AKAP6: variants seen among roughly 807,000 people sequenced by gnomAD.
AKAP6 encodes the protein A-kinase anchoring protein 6, also known as A-kinase anchor protein 6.
In AKAP6, 58 loss-of-function variants were observed where a neutral mutation model predicts 188.5. The ratio of observed to expected loss-of-function variants is 0.31; its 90% confidence interval spans 0.25 to 0.38. AKAP6 has a LOEUF of 0.38. Ranked by LOEUF, AKAP6 falls within the 10% of genes least tolerant of loss-of-function variation. AKAP6 has a pLI of 1.00. For missense variants in AKAP6, 2,710 were observed against 2,740.0 expected (o/e 0.99, Z 0.24); for synonymous variants, 989 against 998.6 (o/e 0.99, Z 0.18).
chr14:32,654,855 A>T (rs199655313), intron 7 of AKAP6, among the ~76,000 whole-genome samples: 5 of 19,156 alleles, frequency 2.6e-4, no homozygotes, highest in East Asian at 0.038. Context: ...TCTCAGGAAT[A>T]AAAAAAAAAA....
intron 2 of AKAP6, among the ~76,000 whole-genome samples, chr14:32,463,900 G>A (rs1231466926): frequency 6.6e-6 from 1 of 152,114 alleles, no homozygotes; most frequent in Admixed American, 6.6e-5. Flanking sequence ...AATAAAAAAT[G>A]ATAAAGGGGA....
In AKAP6 at chr14:32,507,588, C is replaced by T. The variant is rs75229824; in HGVS notation, c.325-27966C>T. On this transcript the variant is annotated intron_variant, in intron 2 of 13. Coordinates refer to ENST00000280979, the MANE Select transcript of AKAP6 (RefSeq NM_004274.5). ...CCATCCTTTTTTTCCTTCCTACACA[C>T]GCAGCAAGGTATTTCACTCAGCTGT... Among the ~76,000 whole-genome samples, 1,433 of 151,510 alleles carry T rather than the reference C, an allele frequency of 9.5e-3. 16 individuals carry two copies. The highest frequency in any genetic ancestry group is 0.033 in the African/African-American group (1,362 of 41,282).
intron 1 of AKAP6, among the ~76,000 whole-genome samples, chr14:32,411,308 A>G (rs2138648378): frequency 6.6e-6 from 1 of 152,310 alleles, no homozygotes; most frequent in South Asian, 2.1e-4. Flanking sequence ...ACATCCTTCC[A>G]CCAATATCTT....
At chr14:32,431,367 G>T (rs187867965) in intron 1 of AKAP6, among the ~76,000 whole-genome samples, 1 of 152,296 alleles carries the variant, frequency 6.6e-6, no homozygotes, top group Non-Finnish European at 1.5e-5. Context: ...TCTGCCTTTT[G>T]CATTCAGGTG....
intron 7 of AKAP6, among the ~76,000 whole-genome samples, chr14:32,637,722 G>A (rs1429057391): frequency 2.0e-5 from 3 of 152,010 alleles, no homozygotes; most frequent in Non-Finnish European, 2.9e-5. Context: ...AATGAGATGA[G>A]GGTGGAGAGT....
chr14:32,769,603 T>C (rs539308225), intron 11 of AKAP6, among the ~76,000 whole-genome samples: 2 of 151,948 alleles, frequency 1.3e-5, no homozygotes, highest in African/African-American at 4.8e-5. Flanking sequence ...ACCACTTTGT[T>C]CATATTGGCC....
chr14:32,502,196 C>T (rs951577142), intron 2 of AKAP6, among the ~76,000 whole-genome samples: 4 of 152,076 alleles, frequency 2.6e-5, no homozygotes. Context: ...CAGAAGTGCT[C>T]TTAATGGTGA....
chr14:32,459,805 C>A (rs1454449591), intron 2 of AKAP6, among the ~76,000 whole-genome samples: 9 of 150,848 alleles, frequency 6.0e-5, no homozygotes, highest in African/African-American at 1.9e-4. Flanking sequence ...AAAATGGGAG[C>A]TAAGGGTTTA....
chr14:32,406,419 A>G (rs1889296960), intron 1 of AKAP6, among the ~76,000 whole-genome samples: 1 of 152,140 alleles, frequency 6.6e-6, no homozygotes, highest in Admixed American at 6.5e-5. Flanking sequence ...TATGTTGGCC[A>G]GGCTGGTCTT....
intron 7 of AKAP6, among the ~76,000 whole-genome samples, chr14:32,645,258 A>G (rs758283991): frequency 6.6e-6 from 1 of 152,196 alleles, no homozygotes; most frequent in African/African-American, 2.4e-5. Flanking sequence ...GAAGGAATAC[A>G]CTTAAAAGAG....
intron 7 of AKAP6, among the ~76,000 whole-genome samples, chr14:32,630,403 A>C (rs1290151953): frequency 6.6e-6 from 1 of 152,140 alleles, no homozygotes; most frequent in Non-Finnish European, 1.5e-5. Context: ...AAAAAAAGGC[A>C]ATATAATGCA....
intron 7 of AKAP6, among the ~76,000 whole-genome samples, chr14:32,610,987 A>T (rs1056405490): frequency 1.3e-5 from 2 of 152,210 alleles, no homozygotes; most frequent in African/African-American, 4.8e-5. Flanking sequence ...CAAAGGCAGG[A>T]TGAAAGAGGA....
chr14:32,606,179 T>C (rs779386667), intron 7 of AKAP6, among the ~76,000 whole-genome samples: 4 of 152,152 alleles, frequency 2.6e-5, no homozygotes, highest in Non-Finnish European at 5.9e-5. Context: ...GAATTGAAAA[T>C]ATGCTTATAA....
At chr14:32,690,076 TACACACACACACACACAC>T (rs10658220) in intron 8 of AKAP6, among the ~76,000 whole-genome samples, 16 of 135,952 alleles carry the variant, frequency 1.2e-4, no homozygotes, top group South Asian at 2.6e-4. Flanking sequence ...TGCCCCAAAA[TACACACACACACACACAC>T]ACACACACAC....
In AKAP6 at chr14:32,831,826, G is replaced by A. The variant is rs1402189305; in HGVS notation, c.*2021G>A. On this transcript the variant is annotated 3_prime_UTR_variant, in exon 14 of 14. Transcript: ENST00000280979. Reference sequence around the variant, plus strand: ...GGTAATAGAAGAAAAAGTAAATTGGGAGGACTTAATGGAAGGTCTTTTAAA... The same window carrying A: ...GGTAATAGAAGAAAAAGTAAATTGGAAGGACTTAATGGAAGGTCTTTTAAA... The A allele has an allele frequency of 6.6e-6, 1 of 152,158 alleles. No individual in the cohort carries two copies. Among genetic ancestry groups the A allele is most frequent in the East Asian group, 1.9e-4 (1 of 5,192 alleles). 9.4% of individuals were successfully genotyped at this position (152,158 alleles called of 1,614,324 possible). A position where few individuals can be genotyped will look rare whatever the true frequency, so the allele number is the denominator to read the frequency against.
At chr14:32,512,188 ATGACT>A (rs1236005024) in intron 2 of AKAP6, among the ~76,000 whole-genome samples, 15 of 152,150 alleles carry the variant, frequency 9.9e-5, no homozygotes, top group Non-Finnish European at 2.2e-4. Context: ...GTTGAAAGAA[ATGACT>A]TGAGGTTTGG....
Position 32,476,435 on chromosome 14 carries a change from C to T in AKAP6, c.324+42618C>T, listed in dbSNP as rs550453597. Among the ~76,000 whole-genome samples the T allele has an allele frequency of 1.7e-3, 263 of 152,248 alleles. 2 individuals are homozygous for T. Among genetic ancestry groups the T allele is most frequent in the South Asian group, 2.5e-3 (12 of 4,824 alleles). On this transcript the variant is annotated intron_variant, in intron 2 of 13. Coordinates refer to ENST00000280979, the MANE Select transcript of AKAP6 (RefSeq NM_004274.5). Reference sequence around the variant, plus strand: ...ACCCTACTTGGACATAAGTAAACAGCGAAGTAGGATCTGGAAGAGGTTTAA... The same window carrying T: ...ACCCTACTTGGACATAAGTAAACAGTGAAGTAGGATCTGGAAGAGGTTTAA...
chr14:32,622,590 A>G (rs1371943287), intron 7 of AKAP6, among the ~76,000 whole-genome samples: 3 of 152,102 alleles, frequency 2.0e-5, no homozygotes, highest in Non-Finnish European at 4.4e-5. Flanking sequence ...CCTCCCTCAA[A>G]GGGTTATTGA....
intron 1 of AKAP6, among the ~76,000 whole-genome samples, chr14:32,419,166 C>T (rs1339001037): frequency 2.0e-5 from 3 of 151,922 alleles, no homozygotes; most frequent in African/African-American, 4.8e-5. Context: ...TTTGAAAAGC[C>T]GACATAGTAG....
Sources: allele counts gnomAD v4.1 joint callset (sites outside exome capture counted in the v4.1 genomes callset), GRCh38; gene constraint gnomAD v4.1.1; transcripts MANE v1.5; gene names NCBI Gene and HGNC (gene_info 2026-07-23, HGNC 2026-07-21).